The following SLC18A1 variants were observed in gnomAD, a reference collection of about 807,000 sequenced individuals.
SLC18A1 encodes solute carrier family 18 member A1, also known as chromaffin granule amine transporter.
A neutral mutation model predicts 53.7 loss-of-function variants in SLC18A1; 69 were observed. The ratio of observed to expected loss-of-function variants is 1.28; its 90% CI spans 1.06 to 1.57. The LOEUF is 1.57. Ranked by LOEUF, SLC18A1 falls within the 40% of genes most tolerant of loss-of-function variation. The probability of loss-of-function intolerance (pLI) is 0.00; values close to 1 mark genes in which losing one functional copy is unlikely to be tolerated. For synonymous variants in SLC18A1, 320 were observed against 248.1 expected, an observed-to-expected ratio of 1.29 and a Z score of -2.72; for missense variants, 932 against 668.1, an observed-to-expected ratio of 1.40 and a Z score of -4.35.
At chr8:20,160,248 G>C (rs2071790123) in intron 10 of SLC18A1, among the ~76,000 whole-genome samples, 1 of 147,414 alleles carries the variant, frequency 6.8e-6, no homozygotes, top group Admixed American at 6.9e-5. Context: ...CTACTCAATT[G>C]TTTATCTAGT....
chr8:20,157,968 C>T (rs958551269), intron 10 of SLC18A1, among the ~76,000 whole-genome samples: 3 of 152,188 alleles, frequency 2.0e-5, no homozygotes, highest in African/African-American at 4.8e-5. Context: ...AGAAATAAGC[C>T]ACCCCCTCAT....
intron 10 of SLC18A1, among the ~76,000 whole-genome samples, chr8:20,154,977 T>C (rs1400830695): frequency 1.3e-5 from 2 of 152,202 alleles, no homozygotes; most frequent in Non-Finnish European, 2.9e-5. Context: ...CCATTGTTCC[T>C]GCACACCTAA....
At chr8:20,165,494 C>T (rs2071934569) in intron 8 of SLC18A1, among the ~76,000 whole-genome samples, 1 of 152,138 alleles carries the variant, frequency 6.6e-6, no homozygotes, top group African/African-American at 2.4e-5. Flanking sequence ...CCTGGGAGAA[C>T]CACAGGCAGA....
chr8:20,155,478 G>C (rs778573247), intron 10 of SLC18A1, among the ~76,000 whole-genome samples: 10 of 152,090 alleles, frequency 6.6e-5, no homozygotes, highest in Admixed American at 2.0e-4. Flanking sequence ...AATTTTCTTG[G>C]GGGAAGCCGA....
At position 20,174,384 on chromosome 8, in the gene SLC18A1, C is replaced by T; in HGVS notation, c.608G>A (p.Gly203Glu). ...ACCTGCAACAGATGAAAATGAAGAT[C>T]CAATGCCTTGAAGGGTTCGGGCCAC... ...LFVARTLQGI[G>E]SSFSSVAGLG... The change falls in exon 5 of 16, where the codon GGA becomes GAA. Residue 203 changes from glycine (G) to glutamate (E), a missense_variant. Transcript: ENST00000276373. 6.2e-7 allele frequency: 1 copy of T among 1,613,900 alleles called. No individual in the cohort carries two copies. The highest frequency in any genetic ancestry group is 1.3e-5 in the African/African-American group (1 of 75,016).
chr8:20,156,675 A>T (rs1287083164), intron 10 of SLC18A1, among the ~76,000 whole-genome samples: 2 of 152,216 alleles, frequency 1.3e-5, no homozygotes, highest in Non-Finnish European at 2.9e-5. Flanking sequence ...AAAGGCACAC[A>T]GGATAAACAG....
At chr8:20,151,934 T>G (rs1428766769) in intron 10 of SLC18A1, among the ~76,000 whole-genome samples, 1 of 152,170 alleles carries the variant, frequency 6.6e-6, no homozygotes. Flanking sequence ...GAGGGAGACA[T>G]ACAATGAACA....
chr8:20,178,173 C>T (rs1202909829), intron 4 of SLC18A1, among the ~76,000 whole-genome samples: 1 of 150,854 alleles, frequency 6.6e-6, no homozygotes, highest in Non-Finnish European at 1.5e-5. Context: ...CATATTCAAA[C>T]AGCTCTCATT....
In SLC18A1 at chr8:20,147,654, C is replaced by T; in HGVS notation, c.1279G>A (p.Gly427Arg). Residue 427 changes from glycine (G) to arginine (R), a missense_variant, in exon 14 of 16, where the codon GGG (glycine) becomes AGG (arginine). Physicochemically the swap from Gly to Arg is moderately radical, Grantham distance 125. Transcript: ENST00000276373. ...LVDLRHTSVY[G>R]SVYAIADVAF... The stretch of plus-strand genomic sequence containing the variant: ...ACATCAGCGATGGCGTAGACACTCC[C>T]ATACACCGAGGTGTGGCGTAGATCC... 6.2e-7 allele frequency: 1 copy of T among 1,614,084 alleles called. No homozygotes were observed. The highest frequency in any genetic ancestry group is 8.5e-7 in the Non-Finnish European group (1 of 1,180,004).
In SLC18A1 at chr8:20,180,907, G is replaced by GGGAC; in HGVS notation, c.54_57dup (p.Arg20ValfsTer33). 1 of 1,611,732 alleles carries GGGAC rather than the reference G, an allele frequency of 6.2e-7. No homozygotes were observed. Among genetic ancestry groups the GGGAC allele is most frequent in the Non-Finnish European group, 8.5e-7 (1 of 1,178,818 alleles). On this transcript the variant is annotated frameshift_variant, in exon 2 of 16. Transcript: ENST00000276373. LOFTEE classifies it high-confidence loss of function. The stretch of plus-strand genomic sequence containing the variant: ...AATACCACCACCAGCACCAGCTGCC[G>GGGAC]GGACGCTCTCCCCTCCTTCAGCAAC...
chr8:20,149,817 G>A, intron 11 of SLC18A1, 90 bp from the exon 12 acceptor site: 1 of 1,252,694 alleles, frequency 8.0e-7, no homozygotes, highest in Non-Finnish European at 1.2e-6. Flanking sequence ...TGTCCCACCA[G>A]CCCTAATCCC....
intron 13 of SLC18A1, 141 bp from the exon 14 acceptor site, chr8:20,147,863 T>G (rs1239894799): frequency 1.4e-5 from 20 of 1,447,516 alleles, no homozygotes; most frequent in Non-Finnish European, 1.8e-5. Flanking sequence ...AATTACGAGC[T>G]CATCTCTCCA....
intron 10 of SLC18A1, among the ~76,000 whole-genome samples, chr8:20,158,055 C>G (rs1489155232): frequency 6.6e-6 from 1 of 152,234 alleles, no homozygotes; most frequent in East Asian, 1.9e-4. Flanking sequence ...TCAGAAGCCA[C>G]TAACAGATGA....
chr8:20,172,046 A>T (rs959276884), intron 6 of SLC18A1, among the ~76,000 whole-genome samples: 5 of 152,258 alleles, frequency 3.3e-5, no homozygotes, highest in African/African-American at 1.2e-4. Flanking sequence ...CTTGCGGCCT[A>T]TGGAGAAACA....
At chr8:20,171,549 G>T in intron 6 of SLC18A1, 55 bp from the exon 7 acceptor site, 2 of 1,377,766 alleles carry the variant, frequency 1.5e-6, no homozygotes, top group South Asian at 2.3e-5. Flanking sequence ...CCTTTGCAGT[G>T]AGAATTATCC....
rs766294345 is a variant in SLC18A1, at chr8:20,164,956, A to G, written c.928T>C (p.Cys310Arg). The change falls in exon 10 of 16, where the codon TGC (cysteine) becomes CGC (arginine). Residue 310 changes from cysteine to arginine, a missense_variant. Coordinates refer to ENST00000276373, the MANE Select transcript of SLC18A1 (RefSeq NM_003053.4). Reference protein sequence around the residue: ...PYILVAAGSICFANMGVAILE... With the variant: ...PYILVAAGSIRFANMGVAILE... Reference sequence around the variant, plus strand: ...ATGGCCACCCCCATGTTGGCAAAGCAGATGGACCCTGGGGAGACTGTTCTG... The same window carrying G: ...ATGGCCACCCCCATGTTGGCAAAGCGGATGGACCCTGGGGAGACTGTTCTG... The G allele has an allele frequency of 6.2e-7, 1 of 1,613,984 alleles. No homozygotes were observed. The highest frequency in any genetic ancestry group is 8.5e-7 in the Non-Finnish European group (1 of 1,179,884).
chr8:20,150,064 C>T (rs2071511573), intron 11 of SLC18A1, among the ~76,000 whole-genome samples: 2 of 152,226 alleles, frequency 1.3e-5, no homozygotes, highest in Non-Finnish European at 2.9e-5. Context: ...CCAGCTCAGA[C>T]TGCCTCCTAC....
At chr8:20,181,944 T>A (rs1007296951) in intron 1 of SLC18A1, 1 of 152,246 alleles carries the variant, frequency 6.6e-6, no homozygotes, top group Non-Finnish European at 1.5e-5. Flanking sequence ...ATCAGAAAGA[T>A]GCCTTCATCT....
intron 10 of SLC18A1, among the ~76,000 whole-genome samples, chr8:20,158,406 G>A (rs1383468347): frequency 3.3e-5 from 5 of 152,132 alleles, no homozygotes; most frequent in Non-Finnish European, 5.9e-5. Flanking sequence ...TTATACACCT[G>A]AACATACAGA....
Sources: allele counts gnomAD v4.1 joint callset (sites outside exome capture counted in the v4.1 genomes callset), GRCh38; gene constraint gnomAD v4.1.1; transcripts MANE v1.5; gene names NCBI Gene and HGNC (gene_info 2026-07-23, HGNC 2026-07-21).